RPS25: variants seen among roughly 807,000 people sequenced by gnomAD.
RPS25 encodes the protein small ribosomal subunit protein eS25.
A neutral mutation model predicts 14.4 loss-of-function variants in RPS25; 1 was observed. The ratio of observed to expected loss-of-function variants is 0.07; its 90% CI spans 0.02 to 0.33. RPS25 has a LOEUF of 0.33. RPS25 is among the 10% of genes least tolerant of loss of function. RPS25 has a pLI of 1.00. For synonymous variants in RPS25, 63 were observed against 53.8 expected (o/e 1.17, Z -0.75); for missense variants, 65 against 144.6 (o/e 0.45, Z 2.82).
At chr11:119,017,601 C>T in intron 2 of RPS25, 56 bp from the exon 3 acceptor site, 1 of 1,452,828 alleles carries the variant, frequency 6.9e-7, no homozygotes, top group Non-Finnish European at 9.6e-7. Context: ...AGCACCCTTT[C>T]CCTCTCGAGT....
chr11:119,018,164 A>G, intron 1 of RPS25, 111 bp from the exon 2 acceptor site: 1 of 1,577,810 alleles, frequency 6.3e-7, no homozygotes, highest in Non-Finnish European at 8.7e-7. Context: ...GGGCCAAGCA[A>G]TAACCGCGCC....
intron 3 of RPS25, among the ~76,000 whole-genome samples, chr11:119,016,596 CCTTA>C (rs1363012168): frequency 6.6e-6 from 1 of 151,450 alleles, no homozygotes; most frequent in Non-Finnish European, 1.5e-5. Flanking sequence ...GATCATCTAT[CCTTA>C]CTTTTCCTTT....
At chr11:119,016,474 A>T (rs187427495) in intron 3 of RPS25, among the ~76,000 whole-genome samples, 51 of 152,260 alleles carry the variant, frequency 3.3e-4, no homozygotes, top group East Asian at 1.3e-3. Context: ...CTTGGCTCAA[A>T]TGATCCTCCT....
chr11:119,016,933 A>G (rs145000630), intron 3 of RPS25, among the ~76,000 whole-genome samples: 70 of 152,330 alleles, frequency 4.6e-4, no homozygotes, highest in African/African-American at 1.6e-3. Flanking sequence ...GAGCCTTATT[A>G]TTGTGGAATT....
intron 3 of RPS25, 37 bp from the exon 4 acceptor site, chr11:119,015,976 G>A (rs552149642): frequency 1.3e-5 from 17 of 1,273,370 alleles, no homozygotes; most frequent in Non-Finnish European, 1.8e-5. Context: ...ATGCTTAACA[G>A]ATGCTACAAT....
intron 3 of RPS25, among the ~76,000 whole-genome samples, chr11:119,016,479 C>A (rs925923989): frequency 6.6e-6 from 1 of 152,164 alleles, no homozygotes; most frequent in Non-Finnish European, 1.5e-5. Context: ...CTCAAATGAT[C>A]CTCCTGCTTT....
At chr11:119,016,299 C>A (rs1055919068) in intron 3 of RPS25, among the ~76,000 whole-genome samples, 1 of 151,992 alleles carries the variant, frequency 6.6e-6, no homozygotes, top group Non-Finnish European at 1.5e-5. Context: ...TTGTTTTGGC[C>A]GGGTGCAGAG....
At chr11:119,017,797 A>G in intron 2 of RPS25, 161 bp downstream of exon 2, 2 of 691,332 alleles carry the variant, frequency 2.9e-6, no homozygotes, top group South Asian at 3.7e-5. Flanking sequence ...CATTTTCATG[A>G]TCCTAATGGG....
At chr11:119,016,643 C>G (rs934619974) in intron 3 of RPS25, among the ~76,000 whole-genome samples, 6 of 151,552 alleles carry the variant, frequency 4.0e-5, no homozygotes, top group South Asian at 4.2e-4. Context: ...CACCCCCCCC[C>G]CCTTTCTGAG....
rs782204272 is a variant in RPS25 at position 119,018,062 on chromosome 11, G to C, written c.4-9C>G. ...TTGTCGTCCTTAGGCGGCTGTAGGA[G>C]GGCAGCGGGAATGCAACCAGGTCCT... On this transcript the variant is annotated splice_polypyrimidine_tract_variant and intron_variant, in intron 1 of 4. Transcript: ENST00000527673. The C allele has an allele frequency of 1.9e-6, 3 of 1,611,994 alleles. No individual in the cohort carries two copies. The highest frequency in any genetic ancestry group is 1.7e-5 in the Admixed American group (1 of 60,020).
In RPS25 at chr11:119,017,296, G is replaced by A. The variant is rs184248775; in HGVS notation, c.283+66C>T. 123 of 1,205,122 alleles carry A rather than the reference G, an allele frequency of 1.0e-4. No individual in the cohort carries two copies. The African/African-American group carries it at 1.4e-3, about 13-fold the overall frequency. The allele number at this position is 1,205,122 out of a possible 1,614,324, so 74.7% of individuals were successfully genotyped here. On this transcript the variant is annotated intron_variant, in intron 3 of 4. Transcript: ENST00000527673. ...ATTCTGCTTTTCCAGCAAAACCACT[G>A]AAGATGCTTAACATGGTCAAGACAA... is the stretch of plus-strand genomic sequence containing the variant.
intron 1 of RPS25, 28 bp downstream of exon 1, chr11:119,018,254 C>T (rs782612525): frequency 1.9e-6 from 3 of 1,614,128 alleles, no homozygotes; most frequent in African/African-American, 2.7e-5. Context: ...CCCAAGAACG[C>T]CGGCGACTTC....
chr11:119,017,229 C>A, intron 3 of RPS25, 133 bp downstream of exon 3: 1 of 638,380 alleles, frequency 1.6e-6, no homozygotes, highest in Non-Finnish European at 2.6e-6. Context: ...GTCAGAATTA[C>A]ATTACTAACA....
intron 3 of RPS25, among the ~76,000 whole-genome samples, chr11:119,016,666 T>C (rs528934753): frequency 2.1e-5 from 3 of 141,302 alleles, no homozygotes; most frequent in East Asian, 5.0e-4. Context: ...AGTCTTTTGC[T>C]GTCACTAAGG....
Position 119,018,039 on chromosome 11 carries a change from G to A in RPS25, c.18C>T (p.Asp6=), listed in dbSNP as rs1379495211. 6.2e-7 allele frequency: 1 copy of A among 1,612,160 alleles called. No individual in the cohort carries two copies. The highest frequency in any genetic ancestry group is 2.2e-5 in the East Asian group (1 of 44,884). ...ACTTTCCAGCGTCCTTCTTCTTCTT[G>A]TCGTCCTTAGGCGGCTGTAGGAGGG... is the stretch of plus-strand genomic sequence containing the variant. The part of the protein sequence containing the change: MPPKD[D]KKKKDAGKSA... The change falls in exon 2 of 5, where the codon GAC becomes GAT. Residue 6 remains aspartate, a synonymous_variant. Coordinates refer to ENST00000527673, the MANE Select transcript of RPS25 (RefSeq NM_001028.3).
At chr11:119,018,127 C>CT in intron 1 of RPS25, 74 bp from the exon 2 acceptor site, 1 of 1,556,866 alleles carries the variant, frequency 6.4e-7, no homozygotes, top group Non-Finnish European at 8.9e-7. Context: ...GCCCTCAGCC[C>CT]CCGCAAACTC....
At chr11:119,017,895 C>A (rs140426188) in intron 2 of RPS25, 63 bp downstream of exon 2, 16 of 1,294,614 alleles carry the variant, frequency 1.2e-5, no homozygotes, top group Non-Finnish European at 1.6e-5. Context: ...ATACAAGTTA[C>A]CTATTACTAG....
intron 3 of RPS25, among the ~76,000 whole-genome samples, 176 bp downstream of exon 3, chr11:119,017,177 GCTAAGAACC>G (rs1943182987): frequency 1.3e-5 from 2 of 151,840 alleles, no homozygotes; most frequent in Admixed American, 1.3e-4. Context: ...CACAAAAGTG[GCTAAGAACC>G]CTGAGAATTC....
chr11:119,017,896 C>G (rs549326072), intron 2 of RPS25, 62 bp downstream of exon 2: 6 of 1,304,378 alleles, frequency 4.6e-6, no homozygotes, highest in Non-Finnish European at 6.7e-6. Flanking sequence ...TACAAGTTAC[C>G]TATTACTAGA....
Sources: gnomAD v4.1 joint callset for allele counts (sites outside exome capture counted in the v4.1 genomes callset) on GRCh38, gnomAD v4.1.1 for gene constraint, MANE v1.5 for transcripts, NCBI Gene and HGNC (gene_info 2026-07-23, HGNC 2026-07-21) for gene names.